GRM7: variants seen among roughly 807,000 people sequenced by gnomAD.
The protein encoded by GRM7 is glutamate metabotropic receptor 7.
Under a neutral mutation model 84.5 loss-of-function variants are expected in GRM7, and 35 were observed. The observed-to-expected ratio is 0.41, with a 90% confidence interval of 0.32 to 0.55. The LOEUF (loss-of-function observed/expected upper bound fraction) is 0.55. Among genes scored for constraint, GRM7 ranks in the 20% least tolerant of loss-of-function variants. The pLI, the probability that GRM7 is intolerant of heterozygous loss-of-function variation, is 0.19. For missense variants in GRM7, 1,003 were observed against 1,194.6 expected, an observed-to-expected ratio of 0.84 and a Z score of 2.36; for synonymous variants, 487 against 455.1, an observed-to-expected ratio of 1.07 and a Z score of -0.89.
At chr3:7,732,700 C>T (rs1015574989) in intron 9 of GRM7, among the ~76,000 whole-genome samples, 1 of 152,178 alleles carries the variant, frequency 6.6e-6, no homozygotes, top group Non-Finnish European at 1.5e-5. Context: ...GACATTCTGA[C>T]TTGTTCATTC....
At chr3:7,322,007 T>C (rs1170172166) in intron 4 of GRM7, among the ~76,000 whole-genome samples, 1 of 152,082 alleles carries the variant, frequency 6.6e-6, no homozygotes, top group Admixed American at 6.6e-5. Context: ...CAGAATATTA[T>C]GAACATCGTC....
intron 1 of GRM7, among the ~76,000 whole-genome samples, chr3:6,962,771 C>G (rs28550467): frequency 0.01 from 1,530 of 152,176 alleles, 28 homozygotes; most frequent in African/African-American, 0.035. Flanking sequence ...AATTTTACCA[C>G]CAAAGCAGTG....
chr3:7,185,338 G>A (rs1695479414), intron 2 of GRM7, among the ~76,000 whole-genome samples: 1 of 152,054 alleles, frequency 6.6e-6, no homozygotes, highest in South Asian at 2.1e-4. Flanking sequence ...TTTGGCTTTG[G>A]TTGTATTATT....
Position 7,578,607 on chromosome 3 carries a change from G to C in GRM7, c.1701G>C (p.Gln567His). ...CATGCCAGCATTGCCCCTATGACCA[G>C]AGGCCCAATGAAAATCGAACCGGAT... ...EMTCQHCPYD[Q>H]RPNENRTGCQ... The change falls in exon 8 of 10, where the codon CAG becomes CAC. Residue 567 changes from glutamine (Q) to histidine (H), a missense_variant. Physicochemically the swap from Gln to His is conservative, Grantham distance 24. This residue lies in a region of GRM7 where 910 missense variants were observed against 1,126.0 expected (regional missense o/e 0.81). Transcript: ENST00000357716. The C allele has an allele frequency of 1.9e-6, 3 of 1,614,016 alleles. No homozygotes were observed. The South Asian group carries it at 3.3e-5, about 18-fold the overall frequency.
chr3:7,515,510 A>G, intron 7 of GRM7, among the ~76,000 whole-genome samples: 1 of 152,212 alleles, frequency 6.6e-6, no homozygotes, highest in Admixed American at 6.5e-5. Flanking sequence ...ATTTTAAGCC[A>G]TTAAGTTGTA....
intron 8 of GRM7, among the ~76,000 whole-genome samples, chr3:7,660,416 C>T (rs888715687): frequency 1.1e-4 from 17 of 152,044 alleles, no homozygotes; most frequent in African/African-American, 4.1e-4. Flanking sequence ...TGGGATCTTC[C>T]AAAAAGTCAA....
intron 7 of GRM7, among the ~76,000 whole-genome samples, chr3:7,512,424 G>A (rs1700239809): frequency 6.6e-6 from 1 of 152,178 alleles, no homozygotes; most frequent in Non-Finnish European, 1.5e-5. Flanking sequence ...GCAGTTTCTG[G>A]AGAGCCCAAA....
rs559087312 is a variant in GRM7 at position 7,475,068 on chromosome 3, C to T, written c.1515+13346C>T. ...CTATTCAGTTGTAGGGGCCTGTTTT[C>T]AATTGCCCTACGTAAAAGTCTTCCT... is the stretch of plus-strand genomic sequence containing the variant. On this transcript the variant is annotated intron_variant, in intron 7 of 9. Coordinates refer to ENST00000357716, the MANE Select transcript of GRM7 (RefSeq NM_000844.4). Among the ~76,000 whole-genome samples the T allele has an allele frequency of 1.7e-3, 266 of 152,272 alleles. 2 individuals are homozygous for T. The highest frequency in any genetic ancestry group is 3.1e-3 in the Non-Finnish European group (211 of 68,018).
chr3:7,306,859 C>A (rs775069599), intron 4 of GRM7, among the ~76,000 whole-genome samples: 1 of 152,142 alleles, frequency 6.6e-6, no homozygotes, highest in Non-Finnish European at 1.5e-5. Flanking sequence ...ATATTATTTT[C>A]ATAATATCAC....
chr3:7,536,529 A>G (rs1701250513), intron 7 of GRM7, among the ~76,000 whole-genome samples: 1 of 152,216 alleles, frequency 6.6e-6, no homozygotes, highest in South Asian at 2.1e-4. Context: ...TGTTCCCCTA[A>G]TATATCAGGA....
chr3:7,442,673 A>G (rs1697338215), intron 5 of GRM7, among the ~76,000 whole-genome samples: 1 of 152,158 alleles, frequency 6.6e-6, no homozygotes, highest in African/African-American at 2.4e-5. Flanking sequence ...GGAAGGGACT[A>G]AAGTCCCTTG....
At chr3:7,650,682 A>C (rs2125113821) in intron 8 of GRM7, among the ~76,000 whole-genome samples, 1 of 152,308 alleles carries the variant, frequency 6.6e-6, no homozygotes, top group Middle Eastern at 3.4e-3. Flanking sequence ...TTCTAGGAAT[A>C]GATTGAGAAA....
Position 7,649,221 on chromosome 3 carries a change from T to C in GRM7, c.2452-30828T>C, listed in dbSNP as rs960398513. Among the ~76,000 whole-genome samples the C allele has an allele frequency of 4.0e-4, 61 of 151,678 alleles. No homozygotes were observed. The East Asian group carries it at 0.011, about 26-fold the overall frequency. On this transcript the variant is annotated intron_variant, in intron 8 of 9. Transcript: ENST00000357716. ...AGTAGCTGGGACTACAGGCACCCAC[T>C]ACCACGCCCGGCTAATTTTATGTAT...
At chr3:6,956,582 T>C (rs1438318326) in intron 1 of GRM7, 3 of 456,722 alleles carry the variant, frequency 6.6e-6, no homozygotes, top group African/African-American at 2.0e-5. Context: ...TGCCCTTCTA[T>C]CCTGTCTCAG....
At chr3:6,874,126 T>G (rs1486444380) in intron 1 of GRM7, among the ~76,000 whole-genome samples, 1 of 152,198 alleles carries the variant, frequency 6.6e-6, no homozygotes, top group Non-Finnish European at 1.5e-5. Context: ...AATATTAGGA[T>G]GTACTGCATA....
chr3:7,620,590 G>C lies in GRM7; in HGVS notation c.2451+41233G>C, dbSNP rs554425986. On this transcript the variant is annotated intron_variant, in intron 8 of 9. Transcript: ENST00000357716. Reference sequence around the variant, plus strand: ...CACCATACCAGGCAGTGCGGCACTTGGGCACAGAACCAATATTATATATGT... The same window carrying C: ...CACCATACCAGGCAGTGCGGCACTTCGGCACAGAACCAATATTATATATGT... Among the ~76,000 whole-genome samples the C allele has an allele frequency of 2.2e-4, 33 of 152,156 alleles. No homozygotes were observed. The South Asian group carries it at 6.4e-3, about 30-fold the overall frequency.
At chr3:7,008,846 G>A (rs966986107) in intron 1 of GRM7, among the ~76,000 whole-genome samples, 3 of 151,948 alleles carry the variant, frequency 2.0e-5, no homozygotes, top group Non-Finnish European at 4.4e-5. Context: ...AATGAGACTC[G>A]AATTCTGTTC....
At chr3:7,347,451 C>A (rs1429427199) in intron 4 of GRM7, among the ~76,000 whole-genome samples, 1 of 152,088 alleles carries the variant, frequency 6.6e-6, no homozygotes, top group Non-Finnish European at 1.5e-5. Flanking sequence ...TGAGAGTGAG[C>A]CAGTTTAACT....
chr3:7,429,620 C>A (rs1479879386), intron 5 of GRM7, among the ~76,000 whole-genome samples: 1 of 151,954 alleles, frequency 6.6e-6, no homozygotes, highest in East Asian at 1.9e-4. Flanking sequence ...GTAATATTTA[C>A]AATCGACTAC....
Sources: allele counts gnomAD v4.1 joint callset (sites outside exome capture counted in the v4.1 genomes callset), GRCh38; gene constraint gnomAD v4.1.1; regional missense constraint gnomAD v4.1.1; transcripts MANE v1.5; gene names NCBI Gene and HGNC (gene_info 2026-07-23, HGNC 2026-07-21).